The following DACH2 variants were observed in gnomAD, a reference collection of about 807,000 sequenced individuals.
The protein encoded by DACH2 is dachshund family transcription factor 2.
A neutral mutation model predicts 35.8 loss-of-function variants in DACH2; 17 were observed. That is an observed-to-expected ratio of 0.48 (90% CI 0.33 to 0.71). The LOEUF is 0.71. Among genes scored for constraint, DACH2 ranks in the 30% least tolerant of loss-of-function variants. The probability of loss-of-function intolerance (pLI) is 0.02; values close to 1 mark genes in which losing one functional copy is unlikely to be tolerated. For missense variants in DACH2, 469 were observed against 472.7 expected (o/e 0.99, Z 0.07); for synonymous variants, 195 against 177.3 (o/e 1.10, Z -0.79).
chrX:86,502,664 T>G (rs754088270), intron 2 of DACH2, among the ~76,000 whole-genome samples: 1 of 111,962 alleles, frequency 8.9e-6, no homozygotes, highest in South Asian at 3.7e-4. Context: ...ATAGCATATT[T>G]GTGATCTTCT....
intron 2 of DACH2, among the ~76,000 whole-genome samples, chrX:86,405,977 G>A (rs933082189): frequency 9.0e-6 from 1 of 111,086 alleles, no homozygotes; most frequent in Non-Finnish European, 1.9e-5. Context: ...CAGATCTCAT[G>A]ATAACTCACT....
intron 7 of DACH2, among the ~76,000 whole-genome samples, chrX:86,777,514 C>A (rs1325985091): frequency 9.0e-6 from 1 of 111,563 alleles, no homozygotes; most frequent in Non-Finnish European, 1.9e-5. Flanking sequence ...TCTCTATTTT[C>A]TGGTTCTGTT....
chrX:86,183,713 T>C (rs956892978), intron 1 of DACH2, among the ~76,000 whole-genome samples: 1 of 111,883 alleles, frequency 8.9e-6, no homozygotes, highest in Non-Finnish European at 1.9e-5. Context: ...GAGGAGTCCC[T>C]CTTTTTCTAT....
At chrX:86,294,959 C>G (rs2148005014) in intron 1 of DACH2, among the ~76,000 whole-genome samples, 1 of 112,123 alleles carries the variant, frequency 8.9e-6, no homozygotes, top group Non-Finnish European at 1.9e-5. Flanking sequence ...CCAGTTCGAG[C>G]TTCCTGGCTG....
At chrX:86,331,614 A>C (rs2035214833) in intron 1 of DACH2, among the ~76,000 whole-genome samples, 1 of 111,765 alleles carries the variant, frequency 8.9e-6, no homozygotes. Context: ...AATGGCAGAA[A>C]AATGTGCATA....
At chrX:86,711,130 C>T in intron 5 of DACH2, among the ~76,000 whole-genome samples, 1 of 112,136 alleles carries the variant, frequency 8.9e-6, no homozygotes, top group Non-Finnish European at 1.9e-5. Flanking sequence ...AATCCCAGGA[C>T]TTTGGGAGAC....
chrX:86,499,877 C>T (rs1027101992), intron 2 of DACH2, among the ~76,000 whole-genome samples: 4 of 111,153 alleles, frequency 3.6e-5, no homozygotes, highest in Admixed American at 9.6e-5. Context: ...GAGGGTGGAG[C>T]GGGAAGGGGT....
chrX:86,309,433 A>G (rs1170278432), intron 1 of DACH2, among the ~76,000 whole-genome samples: 7 of 111,304 alleles, frequency 6.3e-5, no homozygotes, highest in Admixed American at 3.8e-4. Context: ...AAGGACAGCA[A>G]TATACCTTTA....
intron 3 of DACH2, among the ~76,000 whole-genome samples, chrX:86,525,742 A>G (rs2038622517): frequency 9.0e-6 from 1 of 111,403 alleles, no homozygotes; most frequent in South Asian, 3.7e-4. Context: ...GTTGTGATAA[A>G]TGATGTATCC....
chrX:86,565,563 G>T, intron 3 of DACH2, among the ~76,000 whole-genome samples: 1 of 111,630 alleles, frequency 9.0e-6, no homozygotes, highest in East Asian at 2.8e-4. Context: ...GTATGTTGGG[G>T]ATATATACAG....
intron 1 of DACH2, among the ~76,000 whole-genome samples, chrX:86,254,807 T>TATATATATATATATATAGAGAG (rs1380613474): frequency 2.0e-5 from 1 of 49,650 alleles, no homozygotes; most frequent in East Asian, 8.3e-4. Flanking sequence ...TATATATATA[T>TATATATATATATATATAGAGAG]AGAGAGAGAG....
intron 3 of DACH2, among the ~76,000 whole-genome samples, chrX:86,647,669 TTA>T (rs900426085): frequency 5.4e-5 from 6 of 110,701 alleles, no homozygotes; most frequent in African/African-American, 2.0e-4. Context: ...AGGGTAGGTC[TTA>T]TGTTACATGT....
rs1569472180 is a variant in DACH2 at position 86,714,548 on chromosome X, G to A, written c.932G>A (p.Arg311Lys). Reference protein sequence around the residue: ...PLQQNHLLTNRLDLPFMMMPH... With the variant: ...PLQQNHLLTNKLDLPFMMMPH... The stretch of plus-strand genomic sequence containing the variant: ...GTTTAATATGCACTGTCTCTTTTAG[G>A]ACTGGATCTGCCATTTATGATGATG... Residue 311 changes from arginine (R) to lysine (K), a missense_variant and splice_region_variant, in exon 6 of 12, where the codon AGA (arginine) becomes AAA (lysine). Physicochemically the swap from Arg to Lys is conservative, Grantham distance 26. Coordinates refer to ENST00000373125, the MANE Select transcript of DACH2 (RefSeq NM_053281.3). 8.4e-7 allele frequency: 1 copy of A among 1,191,538 alleles called. No individual in the cohort carries two copies.
intron 1 of DACH2, among the ~76,000 whole-genome samples, chrX:86,217,949 T>A (rs1306326913): frequency 9.0e-6 from 1 of 111,631 alleles, no homozygotes; most frequent in African/African-American, 3.3e-5. Context: ...ATAAAAGGGC[T>A]TCAAGTGGAG....
At chrX:86,288,989 G>A (rs759332140) in intron 1 of DACH2, among the ~76,000 whole-genome samples, 4 of 110,825 alleles carry the variant, frequency 3.6e-5, no homozygotes, top group Admixed American at 1.9e-4. Context: ...CTGGGAGTGT[G>A]TTGAGTCTCA....
At chrX:86,680,208 T>C (rs2040865343) in intron 4 of DACH2, among the ~76,000 whole-genome samples, 1 of 112,101 alleles carries the variant, frequency 8.9e-6, no homozygotes, top group African/African-American at 3.2e-5. Context: ...CATAACTGCA[T>C]GCTTTAAAAC....
intron 3 of DACH2, among the ~76,000 whole-genome samples, chrX:86,535,973 T>C (rs1275854693): frequency 1.8e-5 from 2 of 110,811 alleles, no homozygotes; most frequent in South Asian, 3.9e-4. Flanking sequence ...GGAGACAGGA[T>C]CTCACAGGAT....
rs777799943 is a variant in DACH2, at chrX:86,284,984, T to C, written c.489-91840T>C. On this transcript the variant is annotated intron_variant, in intron 1 of 11. Transcript: ENST00000373125. ...TTGAATTTCTCAGTATTAGTTGTAA[T>C]GTCTCCTTTTATATTTATTTACTTA... 2.1e-4 allele frequency among the ~76,000 whole-genome samples: 24 copies of C among 111,921 alleles called. No individual in the cohort carries two copies. In the East Asian group the frequency reaches 6.4e-3, roughly 30 times the overall value.
At position 86,247,605 on chromosome X, in the gene DACH2, C is replaced by T. The variant is rs150122289; in HGVS notation, c.488+98497C>T. Among the ~76,000 whole-genome samples the T allele has an allele frequency of 9.2e-3, 1,017 of 110,746 alleles. 8 individuals are homozygous for T. Among genetic ancestry groups the T allele is most frequent in the African/African-American group, 0.029 (889 of 30,591 alleles). ...GAACAGACTTATAATTTATGAGTTC[C>T]AAAATTGAATCAATAATCTATGTTC... is the stretch of plus-strand genomic sequence containing the variant. On this transcript the variant is annotated intron_variant, in intron 1 of 11. Transcript: ENST00000373125.
Sources: gnomAD v4.1 joint callset for allele counts (sites outside exome capture counted in the v4.1 genomes callset) on GRCh38, gnomAD v4.1.1 for gene constraint, MANE v1.5 for transcripts, NCBI Gene and HGNC (gene_info 2026-07-23, HGNC 2026-07-21) for gene names.